BCAS4: variants seen among roughly 807,000 people sequenced by gnomAD.
BCAS4 encodes breast carcinoma amplified sequence 4, also known as breast carcinoma-amplified sequence 4.
A neutral mutation model predicts 15.7 loss-of-function variants in BCAS4; 9 were observed. The observed-to-expected ratio is 0.57, with a 90% CI of 0.34 to 1.00. The LOEUF (loss-of-function observed/expected upper bound fraction) is 1.00, where lower values mean the gene tolerates loss of function less well. BCAS4 is among the 50% of genes least tolerant of loss of function. BCAS4 has a pLI of 0.02. For synonymous variants in BCAS4, 101 were observed against 99.5 expected (o/e 1.02, Z -0.09); for missense variants, 225 against 239.1 (o/e 0.94, Z 0.39).
chr20:50,807,968 CGT>C (rs2123757343), intron 1 of BCAS4, among the ~76,000 whole-genome samples: 1 of 144,830 alleles, frequency 6.9e-6, no homozygotes, highest in East Asian at 2.0e-4. Context: ...AGTGCAGTGG[CGT>C]GATCTCGGCT....
intron 2 of BCAS4, 132 bp downstream of exon 2, chr20:50,818,414 G>A: frequency 1.3e-6 from 1 of 792,110 alleles, no homozygotes; most frequent in Non-Finnish European, 2.0e-6. Context: ...AGCGCTGAGA[G>A]GAAAGCCACG....
downstream of BCAS4, chr20:50,881,406 A>G (rs1980114636): frequency 6.6e-6 from 1 of 152,180 alleles, no homozygotes; most frequent in African/African-American, 2.4e-5. Context: ...ATCCTAAGCA[A>G]ATTCAAAAGA....
At chr20:50,827,160 G>T (rs1466493401) in intron 2 of BCAS4, among the ~76,000 whole-genome samples, 1 of 152,220 alleles carries the variant, frequency 6.6e-6, no homozygotes, top group Non-Finnish European at 1.5e-5. Flanking sequence ...ATGGCACGAG[G>T]TTGTCACATC....
intron 4 of BCAS4, among the ~76,000 whole-genome samples, chr20:50,863,454 C>T (rs184043982): frequency 8.1e-4 from 118 of 145,692 alleles, no homozygotes; most frequent in Middle Eastern, 4.0e-3. Context: ...GATGGGGTTT[C>T]GCCATGTTGG....
At chr20:50,850,325 C>T (rs1379925244) in intron 4 of BCAS4, among the ~76,000 whole-genome samples, 1 of 152,224 alleles carries the variant, frequency 6.6e-6, no homozygotes, top group East Asian at 1.9e-4. Flanking sequence ...TGCTCAGAGT[C>T]ACACAGTGTA....
intron 2 of BCAS4, among the ~76,000 whole-genome samples, chr20:50,826,747 T>C (rs1401113773): frequency 1.3e-5 from 2 of 151,964 alleles, no homozygotes; most frequent in Non-Finnish European, 2.9e-5. Flanking sequence ...GGCAGGAGGA[T>C]AGCTTGAGGC....
intron 4 of BCAS4, among the ~76,000 whole-genome samples, chr20:50,861,665 C>T (rs1017271701): frequency 2.6e-4 from 39 of 152,022 alleles, no homozygotes; most frequent in Non-Finnish European, 4.6e-4. Context: ...ACCCTTGGAG[C>T]GACTACCCCA....
chr20:50,804,784 T>C (rs890581590), intron 1 of BCAS4, among the ~76,000 whole-genome samples: 1 of 152,194 alleles, frequency 6.6e-6, no homozygotes, highest in African/African-American at 2.4e-5. Flanking sequence ...AAGCATCCTT[T>C]TGGGACCAGG....
chr20:50,826,392 G>A (rs1013144121), intron 2 of BCAS4, among the ~76,000 whole-genome samples: 1 of 152,172 alleles, frequency 6.6e-6, no homozygotes, highest in Non-Finnish European at 1.5e-5. Context: ...GCTGCCCGGG[G>A]AGACTCAGGC....
chr20:50,855,208 G>C (rs959403902), intron 4 of BCAS4, among the ~76,000 whole-genome samples: 1 of 152,162 alleles, frequency 6.6e-6, no homozygotes, highest in East Asian at 1.9e-4. Flanking sequence ...TGGAGATTTC[G>C]GCCTCTGGCT....
At chr20:50,829,605 A>G (rs1297976872) in intron 2 of BCAS4, among the ~76,000 whole-genome samples, 1 of 152,078 alleles carries the variant, frequency 6.6e-6, no homozygotes, top group Non-Finnish European at 1.5e-5. Flanking sequence ...ATATGATAAC[A>G]TGAAAATGGA....
chr20:50,846,402 G>C (rs2088544009), intron 4 of BCAS4, among the ~76,000 whole-genome samples: 1 of 152,004 alleles, frequency 6.6e-6, no homozygotes, highest in South Asian at 2.1e-4. Context: ...GGGAGGCCAG[G>C]GTGGGAGGAT....
intron 2 of BCAS4, among the ~76,000 whole-genome samples, chr20:50,823,238 G>A (rs1025140581): frequency 7.2e-5 from 11 of 152,020 alleles, no homozygotes; most frequent in Admixed American, 2.0e-4. Context: ...TACTTGGGAA[G>A]CTGAGGCAGG....
At chr20:50,874,848 C>T (rs1031938843) in intron 4 of BCAS4, among the ~76,000 whole-genome samples, 5 of 152,184 alleles carry the variant, frequency 3.3e-5, no homozygotes, top group African/African-American at 7.2e-5. Context: ...TGTACTGACA[C>T]GCAGCTTTCA....
intron 1 of BCAS4, among the ~76,000 whole-genome samples, chr20:50,804,081 C>G (rs1336257965): frequency 1.3e-5 from 2 of 152,090 alleles, no homozygotes; most frequent in East Asian, 3.8e-4. Flanking sequence ...TCTTGTTGTC[C>G]AGGCTGGAGT....
intron 4 of BCAS4, among the ~76,000 whole-genome samples, chr20:50,842,789 G>A (rs536784951): frequency 1.1e-3 from 165 of 152,270 alleles, no homozygotes; most frequent in African/African-American, 3.7e-3. Flanking sequence ...CTGAGGCCAC[G>A]GGCCTGGAGC....
chr20:50,808,167 C>T (rs1228459953), intron 1 of BCAS4, among the ~76,000 whole-genome samples: 1 of 152,202 alleles, frequency 6.6e-6, no homozygotes, highest in East Asian at 1.9e-4. Context: ...CCGCCTTGGC[C>T]TCCCAAAGTG....
chr20:50,820,849 C>A (rs2123778674), intron 2 of BCAS4, among the ~76,000 whole-genome samples: 1 of 152,340 alleles, frequency 6.6e-6, no homozygotes, highest in South Asian at 2.1e-4. Flanking sequence ...TGAGGCCACA[C>A]ACAGATGACC....
At chr20:50,826,530 T>C (rs1338343113) in intron 2 of BCAS4, among the ~76,000 whole-genome samples, 1 of 152,246 alleles carries the variant, frequency 6.6e-6, no homozygotes, top group Non-Finnish European at 1.5e-5. Context: ...ATTGCAAAGA[T>C]TGTTCAGAGA....
Sources: gnomAD v4.1 joint callset for allele counts (sites outside exome capture counted in the v4.1 genomes callset) on GRCh38, gnomAD v4.1.1 for gene constraint, MANE v1.5 for transcripts, NCBI Gene and HGNC (gene_info 2026-07-23, HGNC 2026-07-21) for gene names.